HTR1F: variants seen among roughly 807,000 people sequenced by gnomAD.
HTR1F encodes 5-hydroxytryptamine receptor 1F.
In HTR1F, 17 loss-of-function variants were observed where a neutral mutation model predicts 24.0. The ratio of observed to expected loss-of-function variants is 0.71; its 90% CI spans 0.48 to 1.06. The LOEUF (loss-of-function observed/expected upper bound fraction) is 1.06, where lower values mean the gene tolerates loss of function less well. Ranked by LOEUF, HTR1F falls within the 50% of genes least tolerant of loss-of-function variation. The pLI is 0.00. For missense variants in HTR1F, 391 were observed against 427.8 expected (o/e 0.91, Z 0.76); for synonymous variants, 186 against 156.8 (o/e 1.19, Z -1.39).
At chr3:87,904,789 G>T (rs1328371421) in intron 2 of HTR1F, among the ~76,000 whole-genome samples, 1 of 151,998 alleles carries the variant, frequency 6.6e-6, no homozygotes, top group Non-Finnish European at 1.5e-5. Flanking sequence ...ATACCAGTAA[G>T]CTAATCTAGA....
intron 2 of HTR1F, among the ~76,000 whole-genome samples, chr3:87,856,161 A>G (rs1261763706): frequency 6.6e-6 from 1 of 152,060 alleles, no homozygotes; most frequent in Non-Finnish European, 1.5e-5. Flanking sequence ...ATTAGTTACT[A>G]TTAATCTCTT....
At chr3:87,967,450 A>ATC (rs1576099828) in intron 2 of HTR1F, among the ~76,000 whole-genome samples, 1 of 150,708 alleles carries the variant, frequency 6.6e-6, no homozygotes, top group South Asian at 2.1e-4. Context: ...ACTGTCTCAA[A>ATC]AAAAAAAAAT....
intron 2 of HTR1F, among the ~76,000 whole-genome samples, chr3:87,938,285 G>A (rs1474199269): frequency 6.6e-6 from 1 of 152,116 alleles, no homozygotes; most frequent in Non-Finnish European, 1.5e-5. Context: ...AAAGAAATCG[G>A]AGATGATACA....
chr3:87,987,734 T>TTA (rs1385693394), intron 2 of HTR1F, among the ~76,000 whole-genome samples: 2 of 132,594 alleles, frequency 1.5e-5, no homozygotes, highest in Admixed American at 1.6e-4. Flanking sequence ...TATATGTATT[T>TTA]TATATATATA....
intron 2 of HTR1F, among the ~76,000 whole-genome samples, chr3:87,827,543 A>C (rs1367533147): frequency 6.6e-6 from 1 of 152,186 alleles, no homozygotes; most frequent in Non-Finnish European, 1.5e-5. Context: ...TGCTTCTCTC[A>C]TTTGCATGAA....
chr3:87,888,212 C>T (rs1312473936), intron 2 of HTR1F, among the ~76,000 whole-genome samples: 2 of 152,168 alleles, frequency 1.3e-5, no homozygotes, highest in Non-Finnish European at 2.9e-5. Flanking sequence ...AACAAACTAT[C>T]ACAAGTACAG....
At chr3:87,856,271 A>C (rs1463898485) in intron 2 of HTR1F, among the ~76,000 whole-genome samples, 1 of 152,046 alleles carries the variant, frequency 6.6e-6, no homozygotes, top group African/African-American at 2.4e-5. Flanking sequence ...TCAGGAATCC[A>C]CTGGGAGTAC....
intron 2 of HTR1F, among the ~76,000 whole-genome samples, chr3:87,931,009 C>T (rs1433027960): frequency 6.9e-6 from 1 of 145,026 alleles, no homozygotes; most frequent in Non-Finnish European, 1.5e-5. Context: ...CAACAGCATA[C>T]TGTGCCATAG....
In HTR1F at chr3:87,928,349, A is replaced by G. The variant is rs371512457; in HGVS notation, c.-42-62359A>G. ...CACGAGCCACCACGCTAGGCCCTTAATTTACTTTCAACTGAAAAATATTTC... is the reference window on the plus strand; with the variant it reads ...CACGAGCCACCACGCTAGGCCCTTAGTTTACTTTCAACTGAAAAATATTTC... On this transcript the variant is annotated intron_variant, in intron 2 of 2. Transcript: ENST00000319595. Among the ~76,000 whole-genome samples, 5 of 152,102 alleles carry G rather than the reference A, an allele frequency of 3.3e-5. No individual in the cohort carries two copies. In the East Asian group the frequency reaches 5.8e-4, roughly 18 times the overall value.
At chr3:87,924,404 T>C (rs994705860) in intron 2 of HTR1F, among the ~76,000 whole-genome samples, 20 of 152,168 alleles carry the variant, frequency 1.3e-4, no homozygotes, top group Non-Finnish European at 1.5e-5. Flanking sequence ...TGCAGTTTTG[T>C]GACTTTCTGT....
At chr3:87,824,414 A>G (rs1704420996) in intron 2 of HTR1F, among the ~76,000 whole-genome samples, 1 of 152,176 alleles carries the variant, frequency 6.6e-6, no homozygotes, top group Admixed American at 6.5e-5. Flanking sequence ...TTTATGTAAA[A>G]CAGGCCTTTT....
chr3:87,914,579 C>G (rs1319858066), intron 2 of HTR1F, among the ~76,000 whole-genome samples: 8 of 151,984 alleles, frequency 5.3e-5, no homozygotes, highest in Non-Finnish European at 2.9e-5. Flanking sequence ...GCTTTCCCCC[C>G]ACTTCCCTGA....
intron 2 of HTR1F, among the ~76,000 whole-genome samples, chr3:87,971,632 C>A (rs531959193): frequency 6.6e-6 from 1 of 152,224 alleles, no homozygotes; most frequent in South Asian, 2.1e-4. Context: ...AGAGTCTCTC[C>A]AAACTGTTTC....
intron 2 of HTR1F, among the ~76,000 whole-genome samples, chr3:87,832,316 C>CTTTTTTTTTTT (rs60414125): frequency 9.6e-5 from 12 of 125,522 alleles, no homozygotes; most frequent in Non-Finnish European, 9.9e-5. Context: ...AATATCCCTT[C>CTTTTTTTTTTT]TTTTTTTTTT....
At chr3:87,890,475 G>C (rs1706054457) in intron 2 of HTR1F, among the ~76,000 whole-genome samples, 1 of 150,368 alleles carries the variant, frequency 6.7e-6, no homozygotes, top group African/African-American at 2.4e-5. Context: ...TTTTATTCCA[G>C]AAGAATTCTG....
At chr3:87,813,777 C>G (rs1602154) in intron 1 of HTR1F, among the ~76,000 whole-genome samples, 67,719 of 152,052 alleles carry the variant, frequency 0.45, 18,682 homozygotes, top group African/African-American at 0.79. Context: ...CATTAGATCT[C>G]ATGGTTTTAT....
intron 2 of HTR1F, among the ~76,000 whole-genome samples, chr3:87,909,616 T>C (rs1703733751): frequency 6.6e-6 from 1 of 152,046 alleles, no homozygotes; most frequent in African/African-American, 2.4e-5. Context: ...TAAGTTCAGC[T>C]GCATAAAACA....
At chr3:87,850,404 A>G (rs992238300) in intron 2 of HTR1F, among the ~76,000 whole-genome samples, 9 of 151,908 alleles carry the variant, frequency 5.9e-5, no homozygotes, top group Non-Finnish European at 1.0e-4. Flanking sequence ...TCGGAATTGA[A>G]CAATGAGAAC....
At chr3:87,957,742 G>T (rs986015724) in intron 2 of HTR1F, among the ~76,000 whole-genome samples, 1 of 151,008 alleles carries the variant, frequency 6.6e-6, no homozygotes, top group South Asian at 2.1e-4. Context: ...GATTTGTGTA[G>T]AAAACCCATT....
Sources: allele counts gnomAD v4.1 joint callset (sites outside exome capture counted in the v4.1 genomes callset), GRCh38; gene constraint gnomAD v4.1.1; transcripts MANE v1.5; gene names NCBI Gene and HGNC (gene_info 2026-07-23, HGNC 2026-07-21).